Variants in GLI2 observed in about 807,000 individuals in gnomAD.
GLI2 encodes GLI family zinc finger 2, also known as transcription activator GLI2.
In GLI2, 22 loss-of-function variants were observed where a neutral mutation model predicts 78.9. The ratio of observed to expected loss-of-function variants is 0.28; its 90% CI spans 0.20 to 0.40. GLI2 has a LOEUF of 0.40. GLI2 is among the 10% of genes least tolerant of loss of function. The pLI is 1.00. For synonymous variants in GLI2, 974 were observed against 963.7 expected, an observed-to-expected ratio of 1.01 and a Z score of -0.20; for missense variants, 2,097 against 2,213.2, an observed-to-expected ratio of 0.95 and a Z score of 1.05.
rs373869227 is a variant in GLI2, at chr2:120,899,495, C to T, written c.149-27866C>T. ...CAGGCTGCAGCTTCCCCAAGGAAGGCGAGTGCCCCGAGCCTGCTCCTAGCT... is the reference window on the plus strand; with the variant it reads ...CAGGCTGCAGCTTCCCCAAGGAAGGTGAGTGCCCCGAGCCTGCTCCTAGCT... On this transcript the variant is annotated intron_variant, in intron 2 of 13. Coordinates refer to ENST00000361492, the MANE Select transcript of GLI2 (RefSeq NM_001374353.1). Among the ~76,000 whole-genome samples the T allele has an allele frequency of 4.6e-5, 7 of 152,300 alleles. No homozygotes were observed. In the East Asian group the frequency reaches 5.8e-4, roughly 13 times the overall value.
At chr2:120,980,509 A>G (rs75210644) in intron 10 of GLI2, among the ~76,000 whole-genome samples, 5,804 of 152,204 alleles carry the variant, frequency 0.038, 159 homozygotes, top group Middle Eastern at 0.068. Flanking sequence ...AATTGTAAGA[A>G]TTTTTCATAT....
rs1012520126 is a variant in GLI2, at chr2:120,975,070, C to T, written c.1278C>T (p.Asp426=). ...VIYETNCHWE[D]CTKEYDTQEQ... ...ATGAGACCAACTGCCACTGGGAAGA[C>T]TGCACCAAGGAGTACGACACCCAGG... The change falls in exon 9 of 14, where the codon GAC becomes GAT. Residue 426 remains aspartate, a synonymous_variant. Transcript: ENST00000361492. 1 of 1,613,970 alleles carries T rather than the reference C, an allele frequency of 6.2e-7. No individual in the cohort carries two copies. Among genetic ancestry groups the T allele is most frequent in the African/African-American group, 1.3e-5 (1 of 74,940 alleles).
chr2:120,824,345 GA>G (rs1481550710), intron 2 of GLI2, among the ~76,000 whole-genome samples: 1 of 152,246 alleles, frequency 6.6e-6, no homozygotes, highest in Non-Finnish European at 1.5e-5. Context: ...TGGCCAGGGG[GA>G]CTGTGTGGAG....
chr2:120,930,746 C>T (rs1001342766), intron 3 of GLI2, among the ~76,000 whole-genome samples: 2 of 152,228 alleles, frequency 1.3e-5, no homozygotes, highest in South Asian at 4.1e-4. Context: ...GTTGCAGGCT[C>T]CAGCTTGACA....
chr2:120,844,820 C>A (rs2104589518), intron 2 of GLI2, among the ~76,000 whole-genome samples: 1 of 152,242 alleles, frequency 6.6e-6, no homozygotes, highest in South Asian at 2.1e-4. Context: ...TAGGGATAAT[C>A]CTTATTGCTT....
At chr2:120,804,441 G>A (rs888458205) in intron 2 of GLI2, among the ~76,000 whole-genome samples, 1 of 152,212 alleles carries the variant, frequency 6.6e-6, no homozygotes, top group Non-Finnish European at 1.5e-5. Flanking sequence ...GTGGTCAGCT[G>A]TCTCTGGGTA....
Position 120,898,177 on chromosome 2 carries a change from AACACACACAC to A in GLI2, c.149-29154_149-29145del, listed in dbSNP as rs55794893. Among the ~76,000 whole-genome samples, 1,313 of 140,312 alleles carry A rather than the reference AACACACACAC, an allele frequency of 9.4e-3. 11 individuals carry two copies. Among genetic ancestry groups the A allele is most frequent in the Non-Finnish European group, 0.015 (977 of 65,128 alleles). 92.1% of individuals were successfully genotyped at this position (140,312 alleles called of 152,430 possible). ...GGCATAAGGCACTGATATAGATTAA[AACACACACAC>A]ACACACACACACACACACACACACA... On this transcript the variant is annotated intron_variant, in intron 2 of 13. Coordinates refer to ENST00000361492, the MANE Select transcript of GLI2 (RefSeq NM_001374353.1).
chr2:120,762,193 A>C (rs1269815489), intron 1 of GLI2, among the ~76,000 whole-genome samples: 1 of 151,868 alleles, frequency 6.6e-6, no homozygotes, highest in Admixed American at 6.6e-5. Context: ...AGGGGTTTCT[A>C]CTGGGGCAGG....
chr2:120,807,461 A>G (rs1338790431), intron 2 of GLI2, among the ~76,000 whole-genome samples: 3 of 152,174 alleles, frequency 2.0e-5, no homozygotes, highest in Non-Finnish European at 4.4e-5. Context: ...TTCTTAATTC[A>G]AGAACTGTTT....
chr2:120,928,167 G>T (rs552909907), intron 3 of GLI2, among the ~76,000 whole-genome samples: 47 of 151,892 alleles, frequency 3.1e-4, no homozygotes, highest in Admixed American at 7.2e-4. Context: ...ACTGCTCCCC[G>T]CACCTGCCTC....
chr2:120,829,035 T>G (rs1183508693), intron 2 of GLI2, among the ~76,000 whole-genome samples: 4 of 151,956 alleles, frequency 2.6e-5, no homozygotes, highest in East Asian at 1.9e-4. Context: ...TCACTCATAC[T>G]CACACACCAC....
At chr2:120,871,989 A>G (rs565350707) in intron 2 of GLI2, among the ~76,000 whole-genome samples, 2 of 152,308 alleles carry the variant, frequency 1.3e-5, no homozygotes, top group Admixed American at 1.3e-4. Flanking sequence ...GGGCATGACA[A>G]CCACGACGTC....
chr2:120,793,617 G>T (rs1038062809), intron 1 of GLI2, among the ~76,000 whole-genome samples: 2 of 152,144 alleles, frequency 1.3e-5, no homozygotes, highest in African/African-American at 4.8e-5. Flanking sequence ...CTTCTTCTCC[G>T]GGAAGTGGTG....
intron 1 of GLI2, among the ~76,000 whole-genome samples, chr2:120,789,408 C>T (rs1407603010): frequency 1.3e-5 from 2 of 152,006 alleles, no homozygotes; most frequent in African/African-American, 4.8e-5. Flanking sequence ...TTTGCTCATG[C>T]AGTTCCCAGA....
chr2:120,929,272 G>A (rs1679836943), intron 3 of GLI2, among the ~76,000 whole-genome samples: 1 of 152,064 alleles, frequency 6.6e-6, no homozygotes, highest in South Asian at 2.1e-4. Context: ...TTTGGTTATG[G>A]GCCTGTCTGC....
At position 120,988,397 on chromosome 2, in the gene GLI2, C is replaced by A. The variant is rs1192465801; in HGVS notation, c.2432C>A (p.Pro811His). 3 of 1,573,732 alleles carry A rather than the reference C, an allele frequency of 1.9e-6. No homozygotes were observed. The highest frequency in any genetic ancestry group is 1.1e-5 in the South Asian group (1 of 87,250). Reference protein sequence around the residue: ...TVSRRSSGISPYFSSRRSSEA... With the variant: ...TVSRRSSGISHYFSSRRSSEA... The stretch of plus-strand genomic sequence containing the variant: ...AGCCGCCGCTCCTCCGGCATCTCCC[C>A]CTACTTCTCCAGCCGCCGCTCCAGC... The change falls in exon 14 of 14, where the codon CCC (proline) becomes CAC (histidine). Residue 811 changes from proline (P) to histidine (H), a missense_variant. By Grantham distance (77) the Pro-to-His change is moderately conservative. Around this residue, in one of 5 missense-constraint regions of GLI2, gnomAD observed 1,290 missense variants for 1,261.7 expected, o/e 1.02. Coordinates refer to ENST00000361492, the MANE Select transcript of GLI2 (RefSeq NM_001374353.1).
At chr2:120,746,307 G>A (rs1220645016) in intron 1 of GLI2, among the ~76,000 whole-genome samples, 4 of 152,202 alleles carry the variant, frequency 2.6e-5, no homozygotes, top group South Asian at 2.1e-4. Flanking sequence ...AGTGAGAAGC[G>A]AAGCTCCCAG....
At chr2:120,862,353 C>T (rs898495976) in intron 2 of GLI2, among the ~76,000 whole-genome samples, 1 of 152,212 alleles carries the variant, frequency 6.6e-6, no homozygotes, top group Non-Finnish European at 1.5e-5. Context: ...CCGCCAGGCT[C>T]CTGCTGTGTG....
intron 1 of GLI2, among the ~76,000 whole-genome samples, chr2:120,742,727 C>T (rs1035817403): frequency 1.3e-5 from 2 of 150,492 alleles, no homozygotes; most frequent in African/African-American, 4.9e-5. Flanking sequence ...CCATTGAGCA[C>T]GTACATCATG....
Sources: gnomAD v4.1 joint callset for allele counts (sites outside exome capture counted in the v4.1 genomes callset) on GRCh38, gnomAD v4.1.1 for gene constraint, gnomAD v4.1.1 regional missense constraint, MANE v1.5 for transcripts, NCBI Gene and HGNC (gene_info 2026-07-23, HGNC 2026-07-21) for gene names.